The following MTMR14 variants were observed in gnomAD, a reference collection of about 807,000 sequenced individuals.
The protein encoded by MTMR14 is myotubularin related protein 14.
In MTMR14, 48 loss-of-function variants were observed where a neutral mutation model predicts 86.3. The observed-to-expected ratio is 0.56, with a 90% CI of 0.44 to 0.71. The LOEUF (loss-of-function observed/expected upper bound fraction) is 0.71. Among genes scored for constraint, MTMR14 ranks in the 30% least tolerant of loss-of-function variants. The pLI, the probability that MTMR14 is intolerant of heterozygous loss-of-function variation, is 0.00. For synonymous variants in MTMR14, 366 were observed against 326.1 expected (o/e 1.12, Z -1.32); for missense variants, 780 against 834.6 (o/e 0.93, Z 0.81).
At position 9,681,474 on chromosome 3, in the gene MTMR14, A is replaced by G. The variant is rs1250341290; in HGVS notation, c.898-1704A>G. On this transcript the variant is annotated intron_variant, in intron 9 of 18. Transcript: ENST00000296003. ...AGAGGCAACAACGTAACCATCACCT[A>G]CATTACAGTTTTTACCAGTGGTCAC... Among the ~76,000 whole-genome samples the G allele has an allele frequency of 3.9e-5, 6 of 152,176 alleles. No individual in the cohort carries two copies. In the East Asian group the frequency reaches 1.2e-3, roughly 29 times the overall value.
At chr3:9,669,306 C>A in intron 4 of MTMR14, 126 bp from the exon 5 acceptor site, 1 of 830,398 alleles carries the variant, frequency 1.2e-6, no homozygotes, top group Non-Finnish European at 1.9e-6. Context: ...ATACTGTGTC[C>A]TTAGGAGTAG....
At chr3:9,661,493 C>T (rs1041272440) in intron 2 of MTMR14, among the ~76,000 whole-genome samples, 18 of 152,148 alleles carry the variant, frequency 1.2e-4, no homozygotes, top group Admixed American at 3.3e-4. Context: ...GGCATGGACT[C>T]GTACTGATCT....
chr3:9,658,553 G>A (rs1289620459), intron 2 of MTMR14, among the ~76,000 whole-genome samples: 1 of 152,232 alleles, frequency 6.6e-6, no homozygotes, highest in Non-Finnish European at 1.5e-5. Context: ...GGAAGTACAG[G>A]TGAGGCCCTG....
chr3:9,679,794 G>C (rs1320796239), intron 9 of MTMR14, among the ~76,000 whole-genome samples: 1 of 152,212 alleles, frequency 6.6e-6, no homozygotes, highest in Non-Finnish European at 1.5e-5. Context: ...ATTATGAAGA[G>C]GCTGCTAGCT....
chr3:9,677,878 C>A lies in MTMR14; in HGVS notation c.823-106C>A. On this transcript the variant is annotated intron_variant, in intron 8 of 18. Transcript: ENST00000296003. The surrounding 1 kb of genome is among the most constrained non-coding windows in gnomAD (Gnocchi z 4.2). ...GCACAGGTATCTGGCCCAGAGAAGGCAAGCACTGCCTGTGGTAGTCACAGC... is the reference window on the plus strand; with the variant it reads ...GCACAGGTATCTGGCCCAGAGAAGGAAAGCACTGCCTGTGGTAGTCACAGC... 1.0e-6 allele frequency: 1 copy of A among 968,296 alleles called. No individual in the cohort carries two copies. The highest frequency in any genetic ancestry group is 1.6e-6 in the Non-Finnish European group (1 of 625,784). The allele number at this position is 968,296 out of a possible 1,614,324, so 60.0% of individuals were successfully genotyped here.
chr3:9,662,203 A>G, intron 2 of MTMR14, 64 bp from the exon 3 acceptor site: 1 of 1,198,806 alleles, frequency 8.3e-7, no homozygotes, highest in Non-Finnish European at 1.2e-6. Flanking sequence ...GTGTGAATAA[A>G]CACATATACA....
Position 9,667,189 on chromosome 3 carries a change from A to G in MTMR14, c.418-1530A>G, listed in dbSNP as rs573193901. Reference sequence around the variant, plus strand: ...GCAAAGGAGAGTGAGGTCAGCTGCCAGCAGCTTAGATGAAGCGGGGAGAGT... The same window carrying G: ...GCAAAGGAGAGTGAGGTCAGCTGCCGGCAGCTTAGATGAAGCGGGGAGAGT... On this transcript the variant is annotated intron_variant, in intron 3 of 18. Transcript: ENST00000296003. 3.1e-4 allele frequency among the ~76,000 whole-genome samples: 47 copies of G among 152,362 alleles called. No individual in the cohort carries two copies. In the South Asian group the frequency reaches 9.5e-3, roughly 31 times the overall value.
intron 3 of MTMR14, among the ~76,000 whole-genome samples, chr3:9,664,640 G>A (rs1270854340): frequency 6.6e-6 from 1 of 152,062 alleles, no homozygotes; most frequent in African/African-American, 2.4e-5. Context: ...AGTGAAATAA[G>A]CCAGGCACAA....
chr3:9,663,819 C>G (rs1053131880), intron 3 of MTMR14, among the ~76,000 whole-genome samples: 3 of 128,486 alleles, frequency 2.3e-5, no homozygotes, highest in Non-Finnish European at 3.3e-5. Context: ...GGCCTGGAGT[C>G]TCTTCTGTTG....
At chr3:9,656,607 G>C (rs573205207) in intron 2 of MTMR14, among the ~76,000 whole-genome samples, 4 of 151,972 alleles carry the variant, frequency 2.6e-5, no homozygotes, top group African/African-American at 9.7e-5. Flanking sequence ...TTTTAGTAGA[G>C]ATGGGTTTTG....
chr3:9,650,963 A>G (rs2047250638), intron 1 of MTMR14, among the ~76,000 whole-genome samples: 1 of 151,844 alleles, frequency 6.6e-6, no homozygotes, highest in Non-Finnish European at 1.5e-5. Flanking sequence ...TAATTATTGT[A>G]GTTTTTAGTA....
chr3:9,664,254 C>T (rs977476779), intron 3 of MTMR14, among the ~76,000 whole-genome samples: 6 of 149,980 alleles, frequency 4.0e-5, no homozygotes, highest in Non-Finnish European at 7.4e-5. Flanking sequence ...ATACTAGATT[C>T]TTCAAATAGA....
chr3:9,666,329 C>G (rs1166530047), intron 3 of MTMR14, among the ~76,000 whole-genome samples: 2 of 151,542 alleles, frequency 1.3e-5, no homozygotes. Context: ...GACTGAGTTT[C>G]ACCATTTTGG....
intron 14 of MTMR14, 143 bp from the exon 15 acceptor site, chr3:9,688,553 T>A: frequency 1.1e-6 from 1 of 908,226 alleles, no homozygotes; most frequent in Non-Finnish European, 1.8e-6. Flanking sequence ...CCCTGGTGTC[T>A]TATAACACTC....
chr3:9,657,545 CTCTT>C (rs1049334581), intron 2 of MTMR14, among the ~76,000 whole-genome samples: 2 of 150,458 alleles, frequency 1.3e-5, no homozygotes, highest in Non-Finnish European at 2.9e-5. Context: ...AGTATCACCA[CTCTT>C]TTTTTTTTTC....
chr3:9,701,279 G>A lies in MTMR14; in HGVS notation c.1770-511G>A, dbSNP rs144434231. Reference sequence around the variant, plus strand: ...GATAGTTATTTTCACAACAGGTCAGGTCAGGCCAGGCACAGTTGCTCACGC... The same window carrying A: ...GATAGTTATTTTCACAACAGGTCAGATCAGGCCAGGCACAGTTGCTCACGC... On this transcript the variant is annotated intron_variant, in intron 18 of 18. Transcript: ENST00000296003. The surrounding 1 kb of genome is among the most constrained non-coding windows in gnomAD (Gnocchi z 4.2). 2.5e-4 allele frequency: 45 copies of A among 183,634 alleles called. 2 individuals are homozygous for A. In the East Asian group the frequency reaches 5.9e-3, roughly 24 times the overall value. The allele number at this position is 183,634 out of a possible 1,614,324, so 11.4% of individuals were successfully genotyped here. A position where few individuals can be genotyped will look rare whatever the true frequency, so the allele number is the denominator to read the frequency against.
intron 10 of MTMR14, chr3:9,683,460 ACTC>A: frequency 3.5e-6 from 2 of 566,860 alleles, no homozygotes; most frequent in South Asian, 2.0e-5. Context: ...AAAATTAAGA[ACTC>A]CTTACCATCT....
chr3:9,657,211 G>A (rs948503150), intron 2 of MTMR14, among the ~76,000 whole-genome samples: 2 of 152,132 alleles, frequency 1.3e-5, no homozygotes, highest in African/African-American at 4.8e-5. Flanking sequence ...ACCCAACAGA[G>A]TGGTTCTTTT....
chr3:9,666,133 G>GTTT (rs1241278468), intron 3 of MTMR14, among the ~76,000 whole-genome samples: 19 of 117,262 alleles, frequency 1.6e-4, no homozygotes, highest in African/African-American at 2.7e-4. Context: ...AAGTTTGTTG[G>GTTT]TTTTTTTTTT....
Sources: gnomAD v4.1 joint callset for allele counts (sites outside exome capture counted in the v4.1 genomes callset) on GRCh38, gnomAD v4.1.1 for gene constraint, Gnocchi (gnomAD v3.1) non-coding constraint, MANE v1.5 for transcripts, NCBI Gene and HGNC (gene_info 2026-07-23, HGNC 2026-07-21) for gene names.